The following GRM7 variants were observed in gnomAD, a reference collection of about 807,000 sequenced individuals.
The protein encoded by GRM7 is metabotropic glutamate receptor 7.
Under a neutral mutation model 84.5 loss-of-function variants are expected in GRM7, and 35 were observed. That is an observed-to-expected ratio of 0.41 (90% CI 0.32 to 0.55). The LOEUF is 0.55. GRM7 is among the 20% of genes least tolerant of loss of function. The pLI is 0.19. For missense variants in GRM7, 1,003 were observed against 1,194.6 expected, an observed-to-expected ratio of 0.84 and a Z score of 2.36; for synonymous variants, 487 against 455.1, an observed-to-expected ratio of 1.07 and a Z score of -0.89.
chr3:7,572,634 A>G (rs995124425), intron 7 of GRM7, among the ~76,000 whole-genome samples: 2 of 150,826 alleles, frequency 1.3e-5, no homozygotes, highest in African/African-American at 4.9e-5. Context: ...CCTGGCTAAC[A>G]CCGTGAAACC....
intron 6 of GRM7, among the ~76,000 whole-genome samples, chr3:7,454,668 T>C (rs900491137): frequency 1.3e-5 from 2 of 152,054 alleles, no homozygotes; most frequent in Non-Finnish European, 2.9e-5. Context: ...TTATATATAT[T>C]GCGGATAATG....
intron 5 of GRM7, among the ~76,000 whole-genome samples, chr3:7,450,023 T>C (rs1237106200): frequency 6.6e-6 from 1 of 152,036 alleles, no homozygotes; most frequent in Non-Finnish European, 1.5e-5. Flanking sequence ...AAAAGAATAA[T>C]GACAAACTGG....
At position 7,512,309 on chromosome 3, in the gene GRM7, A is replaced by T. The variant is rs1006523983; in HGVS notation, c.1515+50587A>T. Among the ~76,000 whole-genome samples the T allele has an allele frequency of 2.0e-5, 3 of 152,214 alleles. No individual in the cohort carries two copies. The South Asian group carries it at 6.2e-4, about 32-fold the overall frequency. On this transcript the variant is annotated intron_variant, in intron 7 of 9. Coordinates refer to ENST00000357716, the MANE Select transcript of GRM7 (RefSeq NM_000844.4). ...AGGTGATTTCCAAGCTTGAAAAAAG[A>T]TGAAAATTCAGTTATTATTTTTTAA... is the stretch of plus-strand genomic sequence containing the variant.
chr3:7,625,476 G>T (rs1293226290), intron 8 of GRM7, among the ~76,000 whole-genome samples: 1 of 152,214 alleles, frequency 6.6e-6, no homozygotes, highest in Non-Finnish European at 1.5e-5. Flanking sequence ...TCTCAGAAGT[G>T]GTTTGCTAAG....
chr3:7,733,971 A>G (rs9813941), intron 9 of GRM7, among the ~76,000 whole-genome samples: 2,442 of 152,308 alleles, frequency 0.016, 62 homozygotes, highest in African/African-American at 0.056. Flanking sequence ...TTTGTAAAAT[A>G]TCTTTAAGCA....
intron 1 of GRM7, among the ~76,000 whole-genome samples, chr3:6,978,237 A>G (rs1575091299): frequency 6.7e-6 from 1 of 150,104 alleles, no homozygotes. Context: ...AAGATGGTGT[A>G]GTTATGCAGC....
At chr3:7,282,032 G>C (rs1699268900) in intron 2 of GRM7, among the ~76,000 whole-genome samples, 1 of 152,120 alleles carries the variant, frequency 6.6e-6, no homozygotes. Context: ...GCAGTGAGCA[G>C]AGATTGCGCC....
intron 8 of GRM7, among the ~76,000 whole-genome samples, chr3:7,590,070 T>C (rs997803498): frequency 7.2e-5 from 11 of 152,210 alleles, no homozygotes; most frequent in Non-Finnish European, 1.5e-4. Context: ...GAGCTAGATA[T>C]TCTAGGAGAT....
chr3:7,588,171 T>C lies in GRM7; in HGVS notation c.2451+8814T>C, dbSNP rs140225888. On this transcript the variant is annotated intron_variant, in intron 8 of 9. Transcript: ENST00000357716. Reference sequence around the variant, plus strand: ...CCATATACAGCCTTCCTTGTTTTGGTATATTCTTAGCACGTTACCACAACA... The same window carrying C: ...CCATATACAGCCTTCCTTGTTTTGGCATATTCTTAGCACGTTACCACAACA... 2.4e-3 allele frequency among the ~76,000 whole-genome samples: 368 copies of C among 152,292 alleles called. 3 individuals carry two copies. The highest frequency in any genetic ancestry group is 8.4e-3 in the African/African-American group (351 of 41,550).
chr3:7,340,270 A>T (rs1701588151), intron 4 of GRM7, among the ~76,000 whole-genome samples: 2 of 152,276 alleles, frequency 1.3e-5, no homozygotes, highest in South Asian at 4.1e-4. Flanking sequence ...ACTGCTATTA[A>T]GAACTGCTCG....
intron 8 of GRM7, among the ~76,000 whole-genome samples, chr3:7,597,954 A>G (rs562391269): frequency 4.1e-4 from 63 of 152,282 alleles, no homozygotes; most frequent in African/African-American, 1.5e-3. Context: ...TCCTACTTCC[A>G]CTTTCTCTCC....
Position 7,043,445 on chromosome 3 carries a change from C to A in GRM7, c.520-103007C>A, listed in dbSNP as rs564981407. ...TTCCATGTAGCAAACTGGGGGCAAC[C>A]ATAAGACTCATCCCATTCATTCCTG... On this transcript the variant is annotated intron_variant, in intron 1 of 9. Transcript: ENST00000357716. 2.0e-5 allele frequency among the ~76,000 whole-genome samples: 3 copies of A among 152,260 alleles called. No homozygotes were observed. The South Asian group carries it at 6.2e-4, about 32-fold the overall frequency.
intron 8 of GRM7, among the ~76,000 whole-genome samples, chr3:7,619,823 G>A (rs1697274601): frequency 6.6e-6 from 1 of 152,138 alleles, no homozygotes; most frequent in Non-Finnish European, 1.5e-5. Flanking sequence ...ACAACCTTTT[G>A]TGCCTTCTAT....
intron 1 of GRM7, among the ~76,000 whole-genome samples, chr3:7,039,287 C>T (rs1574822726): frequency 6.6e-6 from 1 of 152,106 alleles, no homozygotes; most frequent in East Asian, 1.9e-4. Flanking sequence ...CTGTCACTAT[C>T]CTAACCATAT....
chr3:7,663,761 T>C (rs151090051), intron 8 of GRM7, among the ~76,000 whole-genome samples: 229 of 152,328 alleles, frequency 1.5e-3, no homozygotes, highest in Non-Finnish European at 2.9e-3. Context: ...AGAAGACATA[T>C]GCTTCTGAGA....
At chr3:7,271,300 C>A (rs1413172513) in intron 2 of GRM7, among the ~76,000 whole-genome samples, 2 of 152,066 alleles carry the variant, frequency 1.3e-5, no homozygotes, top group Admixed American at 6.5e-5. Flanking sequence ...TGGCTAACGC[C>A]TGTAATCCCA....
At chr3:7,677,284 A>AAC (rs1553635849) in intron 8 of GRM7, among the ~76,000 whole-genome samples, 24 of 149,344 alleles carry the variant, frequency 1.6e-4, no homozygotes, top group African/African-American at 5.8e-4. Flanking sequence ...AAAAAAAAAA[A>AAC]AAAAAAAAAA....
intron 1 of GRM7, among the ~76,000 whole-genome samples, chr3:6,978,669 T>C (rs1186968960): frequency 6.6e-6 from 1 of 152,116 alleles, no homozygotes; most frequent in African/African-American, 2.4e-5. Flanking sequence ...GTGGGGGAGA[T>C]GATGACTTAT....
intron 2 of GRM7, among the ~76,000 whole-genome samples, chr3:7,292,277 T>A (rs146898151): frequency 1.1e-3 from 168 of 152,312 alleles, no homozygotes; most frequent in African/African-American, 3.5e-3. Flanking sequence ...TGAATTTCTT[T>A]TATAAAACCT....
Sources: gnomAD v4.1 joint callset for allele counts (sites outside exome capture counted in the v4.1 genomes callset) on GRCh38, gnomAD v4.1.1 for gene constraint, MANE v1.5 for transcripts, NCBI Gene and HGNC (gene_info 2026-07-23, HGNC 2026-07-21) for gene names.